Variants in ADGRG3 observed in about 807,000 individuals in gnomAD.
The protein encoded by ADGRG3 is G protein-coupled receptor 97.
ADGRG3 carries 39 observed loss-of-function variants against 54.3 expected under a neutral mutation model. The ratio of observed to expected loss-of-function variants is 0.72; its 90% CI spans 0.56 to 0.94. The LOEUF is 0.94. Among genes scored for constraint, ADGRG3 ranks in the 40% least tolerant of loss-of-function variants. The pLI is 0.00. For missense variants in ADGRG3, 654 were observed against 694.6 expected (o/e 0.94, Z 0.66); for synonymous variants, 312 against 290.0 (o/e 1.08, Z -0.77).
chr16:57,679,358 G>T (rs367984160), intron 5 of ADGRG3, 47 bp downstream of exon 5: 26 of 1,605,690 alleles, frequency 1.6e-5, no homozygotes, highest in Non-Finnish European at 2.0e-5. Flanking sequence ...GCAGACAGGC[G>T]AGTGGGCACA....
chr16:57,674,547 G>A, intron 2 of ADGRG3: 1 of 454,950 alleles, frequency 2.2e-6, no homozygotes, highest in South Asian at 1.6e-5. Context: ...ATTGGATCAT[G>A]TTATTTCAGT....
chr16:57,674,805 GA>G (rs1359503940), intron 2 of ADGRG3, among the ~76,000 whole-genome samples: 2 of 143,282 alleles, frequency 1.4e-5, no homozygotes, highest in Admixed American at 7.1e-5. Flanking sequence ...CCAACATGGT[GA>G]AACCCTGTCT....
At position 57,678,290 on chromosome 16, in the gene ADGRG3, G is replaced by C. The variant is rs1389039358; in HGVS notation, c.466G>C (p.Asp156His). 6.2e-7 allele frequency: 1 copy of C among 1,614,196 alleles called. No homozygotes were observed. The highest frequency in any genetic ancestry group is 1.7e-5 in the Admixed American group (1 of 60,024). ...GGTCCGCTTGGCCGTCACCATTCTG[G>C]ACATTGGTCCAGGGACTCTCTTCAA... ...SVVRLAVTIL[D>H]IGPGTLFKGP... The change falls in exon 4 of 12, where the codon GAC becomes CAC. Residue 156 changes from aspartate to histidine, a missense_variant. Transcript: ENST00000333493.
intron 11 of ADGRG3, among the ~76,000 whole-genome samples, chr16:57,687,053 C>T (rs7203347): frequency 0.32 from 48,308 of 152,044 alleles, 7,915 homozygotes; most frequent in African/African-American, 0.37. Context: ...GAAACCCAGG[C>T]GTCCTAGATG....
rs749230827 is a variant in ADGRG3 at position 57,685,754 on chromosome 16, G to T, written c.1368G>T (p.Lys456Asn). The T allele has an allele frequency of 6.8e-6, 11 of 1,614,198 alleles. No homozygotes were observed. The highest frequency in any genetic ancestry group is 8.5e-6 in the Non-Finnish European group (10 of 1,180,042). ...GMVVLALVVW[K>N]IFTLSRATAV... ...TGGTCCTGGCCCTGGTGGTCTGGAA[G>T]ATCTTCACCCTGTCCCGTGCTACAG... The change falls in exon 11 of 12, where the codon AAG (lysine) becomes AAT (asparagine). Residue 456 changes from lysine (K) to asparagine (N), a missense_variant. Coordinates refer to ENST00000333493, the MANE Select transcript of ADGRG3 (RefSeq NM_170776.5).
At chr16:57,686,507 G>A (rs766751814) in intron 11 of ADGRG3, among the ~76,000 whole-genome samples, 10 of 152,168 alleles carry the variant, frequency 6.6e-5, no homozygotes, top group Non-Finnish European at 1.2e-4. Context: ...AAACATCCCA[G>A]ACATATCAGC....
In ADGRG3 at chr16:57,684,008, A is replaced by C; in HGVS notation, c.958A>C (p.Asn320His). 1 of 1,610,938 alleles carries C rather than the reference A, an allele frequency of 6.2e-7. No homozygotes were observed. Among genetic ancestry groups the C allele is most frequent in the South Asian group, 1.1e-5 (1 of 90,880 alleles). The change falls in exon 9 of 12, where the codon AAT (asparagine) becomes CAT (histidine). Residue 320 changes from asparagine to histidine, a missense_variant. Asn to His is a moderately conservative substitution (Grantham distance 68). Coordinates refer to ENST00000333493, the MANE Select transcript of ADGRG3 (RefSeq NM_170776.5). Reference protein sequence around the residue: ...VALGGSLFLLNLAFLVNVGSG... With the variant: ...VALGGSLFLLHLAFLVNVGSG... ...CCTGGGTGGCAGCCTGTTCCTCCTG[A>C]ATCTGGCCTTCTTGGTCAATGTGGG...
chr16:57,668,364 G>A lies in ADGRG3; in HGVS notation c.17G>A (p.Gly6Asp). 3 of 1,575,056 alleles carry A rather than the reference G, an allele frequency of 1.9e-6. No homozygotes were observed. The highest frequency in any genetic ancestry group is 2.6e-6 in the Non-Finnish European group (3 of 1,167,312). Reference protein sequence around the residue: MATPRGLGALLLLLLL... With the variant: MATPRDLGALLLLLLL... ...TGGCCAAGGATGGCGACGCCCAGGG[G>A]CCTGGGGGCCCTGCTCCTGCTCCTC... The change falls in exon 1 of 12, where the codon GGC (glycine) becomes GAC (aspartate). Residue 6 changes from glycine (G) to aspartate (D), a missense_variant. Gly to Asp is a moderately conservative substitution (Grantham distance 94, BLOSUM62 -1). Transcript: ENST00000333493.
chr16:57,668,143 C>T (rs1404628357), upstream of ADGRG3: 5 of 584,556 alleles, frequency 8.6e-6, no homozygotes, highest in South Asian at 2.0e-5. Flanking sequence ...ACCCAGGGTG[C>T]GGTGAGACTG....
chr16:57,673,946 A>G (rs774728874), intron 2 of ADGRG3, among the ~76,000 whole-genome samples: 1 of 152,182 alleles, frequency 6.6e-6, no homozygotes, highest in Non-Finnish European at 1.5e-5. Context: ...TAACAATGTA[A>G]ACCGCGTGGG....
chr16:57,684,121 C>G lies in ADGRG3; in HGVS notation c.1071C>G (p.Gly357=), dbSNP rs564983637. Residue 357 remains glycine, a synonymous_variant, in exon 9 of 12, where the codon GGC becomes GGG. Coordinates refer to ENST00000333493, the MANE Select transcript of ADGRG3 (RefSeq NM_170776.5). ...YFLLCAFTWM[G]LEAFHLYLLA... Reference sequence around the variant, plus strand: ...TGCTCTGTGCCTTCACCTGGATGGGCCTTGAAGCCTTCCACCTCTACCTGC... The same window carrying G: ...TGCTCTGTGCCTTCACCTGGATGGGGCTTGAAGCCTTCCACCTCTACCTGC... 3 of 1,614,042 alleles carry G rather than the reference C, an allele frequency of 1.9e-6. No homozygotes were observed. The highest frequency in any genetic ancestry group is 1.1e-5 in the South Asian group (1 of 91,084).
At chr16:57,674,623 T>A (rs776755536) in intron 2 of ADGRG3, 4 of 453,176 alleles carry the variant, frequency 8.8e-6, no homozygotes, top group Non-Finnish European at 1.8e-5. Flanking sequence ...CCAGAGCTGT[T>A]CAGAGGCTCC....
intron 3 of ADGRG3, among the ~76,000 whole-genome samples, chr16:57,677,675 G>A (rs1473924789): frequency 1.3e-5 from 2 of 152,152 alleles, no homozygotes; most frequent in African/African-American, 4.8e-5. Context: ...GTTGTTGGGC[G>A]GGGAGGATTT....
intron 8 of ADGRG3, among the ~76,000 whole-genome samples, chr16:57,681,843 T>A (rs8046766): frequency 0.29 from 43,407 of 151,966 alleles, 7,434 homozygotes; most frequent in African/African-American, 0.48. Flanking sequence ...CTTCTGCGTA[T>A]GGGGTCCTAC....
chr16:57,666,457 C>A (rs534826899), upstream of ADGRG3, among the ~76,000 whole-genome samples: 15 of 152,362 alleles, frequency 9.8e-5, no homozygotes, highest in African/African-American at 2.9e-4. Context: ...ATCGCCCTTT[C>A]TGCCAGCATG....
At position 57,685,884 on chromosome 16, in the gene ADGRG3, C is replaced by A; in HGVS notation, c.1498C>A (p.Leu500Ile). The A allele has an allele frequency of 1.2e-6, 2 of 1,614,120 alleles. No individual in the cohort carries two copies. Among genetic ancestry groups the A allele is most frequent in the Non-Finnish European group, 1.7e-6 (2 of 1,180,018 alleles). The change falls in exon 11 of 12, where the codon CTC (leucine) becomes ATC (isoleucine). Residue 500 changes from leucine (L) to isoleucine (I), a missense_variant. Leu to Ile is a conservative substitution (Grantham distance 5, BLOSUM62 2). Coordinates refer to ENST00000333493, the MANE Select transcript of ADGRG3 (RefSeq NM_170776.5). ...WGLAIFTPLG[L>I]STVYIFALFN... Reference sequence around the variant, plus strand: ...GTTGGCCATCTTCACCCCGTTGGGCCTCTCCACCGTCTACATCTTTGCACT... The same window carrying A: ...GTTGGCCATCTTCACCCCGTTGGGCATCTCCACCGTCTACATCTTTGCACT...
chr16:57,687,750 T>C (rs1891484010), intron 11 of ADGRG3, among the ~76,000 whole-genome samples: 1 of 152,258 alleles, frequency 6.6e-6, no homozygotes, highest in Admixed American at 6.5e-5. Flanking sequence ...AAACTATAGC[T>C]GACATCGTTA....
chr16:57,670,941 C>T (rs1444705129), intron 1 of ADGRG3, among the ~76,000 whole-genome samples: 1 of 152,134 alleles, frequency 6.6e-6, no homozygotes, highest in Admixed American at 6.5e-5. Context: ...GAGCCCCTGC[C>T]CGCCTCAGCC....
intron 1 of ADGRG3, among the ~76,000 whole-genome samples, chr16:57,669,890 G>T (rs1019194843): frequency 2.0e-5 from 3 of 152,146 alleles, no homozygotes; most frequent in Non-Finnish European, 2.9e-5. Flanking sequence ...GAAGGGACAC[G>T]TGACAAAGGT....
Sources: allele counts gnomAD v4.1 joint callset (sites outside exome capture counted in the v4.1 genomes callset), GRCh38; gene constraint gnomAD v4.1.1; transcripts MANE v1.5; gene names NCBI Gene and HGNC (gene_info 2026-07-23, HGNC 2026-07-21).